The following CCDC12 variants were observed in gnomAD, a reference collection of about 807,000 sequenced individuals.
The protein encoded by CCDC12 is coiled-coil domain containing 12.
A neutral mutation model predicts 25.7 loss-of-function variants in CCDC12; 28 were observed. That is an observed-to-expected ratio of 1.09 (90% CI 0.81 to 1.50). The LOEUF (loss-of-function observed/expected upper bound fraction) is 1.50, where lower values mean the gene tolerates loss of function less well. Ranked by LOEUF, CCDC12 falls within the 40% of genes most tolerant of loss-of-function variation. The pLI is 0.00. For missense variants in CCDC12, 198 were observed against 210.0 expected, an observed-to-expected ratio of 0.94 and a Z score of 0.35; for synonymous variants, 75 against 87.7, an observed-to-expected ratio of 0.86 and a Z score of 0.81.
intron 5 of CCDC12, 74 bp from the exon 6 acceptor site, chr3:46,922,386 G>T: frequency 1.3e-6 from 2 of 1,522,654 alleles, no homozygotes; most frequent in Non-Finnish European, 1.8e-6. Flanking sequence ...CTCCCCTCTT[G>T]CAGCCCTCTG....
chr3:46,943,651 T>A (rs2033800654), intron 1 of CCDC12, among the ~76,000 whole-genome samples: 1 of 152,172 alleles, frequency 6.6e-6, no homozygotes, highest in African/African-American at 2.4e-5. Flanking sequence ...GTCACCACCC[T>A]CCTGGAGCCC....
At chr3:46,981,350 G>C (rs1329901091), upstream of CCDC12, among the ~76,000 whole-genome samples, 1 of 152,192 alleles carries the variant, frequency 6.6e-6, no homozygotes, top group African/African-American at 2.4e-5. Context: ...GCTGAGGCAG[G>C]AGAATCGCTT....
At chr3:46,940,118 G>GTTCTC (rs1322644830) in intron 2 of CCDC12, among the ~76,000 whole-genome samples, 4 of 152,244 alleles carry the variant, frequency 2.6e-5, no homozygotes, top group African/African-American at 9.6e-5. Flanking sequence ...GAGACCTCTG[G>GTTCTC]AACTGCTGAC....
intron 2 of CCDC12, among the ~76,000 whole-genome samples, chr3:46,929,719 A>G (rs990586210): frequency 2.0e-5 from 3 of 152,168 alleles, no homozygotes; most frequent in African/African-American, 7.2e-5. Flanking sequence ...TCTAGGACTG[A>G]CTTTTTTTCA....
chr3:46,947,967 A>T (rs1173555940), intron 1 of CCDC12, among the ~76,000 whole-genome samples: 1 of 152,258 alleles, frequency 6.6e-6, no homozygotes, highest in Non-Finnish European at 1.5e-5. Context: ...AGGGAGCCTG[A>T]AGAACAGGGA....
At chr3:46,937,918 T>C (rs930965917) in intron 2 of CCDC12, among the ~76,000 whole-genome samples, 1 of 152,184 alleles carries the variant, frequency 6.6e-6, no homozygotes, top group Non-Finnish European at 1.5e-5. Context: ...GGCCTACAAA[T>C]ACAGGCACAA....
rs66474878 is a variant in CCDC12 at position 46,938,518 on chromosome 3, G to GTTTTTT, written c.164+2474_164+2479dup. Among the ~76,000 whole-genome samples, 29 of 91,408 alleles carry GTTTTTT rather than the reference G, an allele frequency of 3.2e-4. 1 individual carries two copies. The highest frequency in any genetic ancestry group is 3.7e-4 in the East Asian group (1 of 2,726). The allele number at this position is 91,408 out of a possible 152,430, so 60.0% of individuals were successfully genotyped here. A position where few individuals can be genotyped will look rare whatever the true frequency, so the allele number is the denominator to read the frequency against. The stretch of plus-strand genomic sequence containing the variant: ...TTCCAGACAGGTTTGTTCCCCTCCT[G>GTTTTTT]TTTTTTTTTTTTTTTTTTTTTTTTT... On this transcript the variant is annotated intron_variant, in intron 2 of 6. Coordinates refer to ENST00000683445, the MANE Select transcript of CCDC12 (RefSeq NM_001277074.2).
chr3:46,964,741 TGCTTG>T, intron 1 of CCDC12, among the ~76,000 whole-genome samples: 1 of 152,240 alleles, frequency 6.6e-6, no homozygotes, highest in East Asian at 1.9e-4. Context: ...GTTAAACAGA[TGCTTG>T]AAGGCAGCAT....
chr3:46,947,129 C>G (rs1386545878), intron 1 of CCDC12, among the ~76,000 whole-genome samples: 1 of 152,202 alleles, frequency 6.6e-6, no homozygotes, highest in Non-Finnish European at 1.5e-5. Flanking sequence ...TGGGAAACTG[C>G]CCTCTGTTCA....
chr3:46,963,850 G>A (rs1169433102), intron 1 of CCDC12, among the ~76,000 whole-genome samples: 2 of 152,374 alleles, frequency 1.3e-5, no homozygotes, highest in East Asian at 1.9e-4. Flanking sequence ...CCAAAGTGCC[G>A]AGATTGCAGC....
Position 46,940,824 on chromosome 3 carries a change from G to A in CCDC12, c.164+174C>T, listed in dbSNP as rs73067065. 1,947 of 646,374 alleles carry A rather than the reference G, an allele frequency of 3.0e-3. 3 individuals carry two copies. The highest frequency in any genetic ancestry group is 5.9e-3 in the Middle Eastern group (15 of 2,548). 40.0% of individuals were successfully genotyped at this position (646,374 alleles called of 1,614,324 possible). On this transcript the variant is annotated intron_variant, in intron 2 of 6. Coordinates refer to ENST00000683445, the MANE Select transcript of CCDC12 (RefSeq NM_001277074.2). Reference sequence around the variant, plus strand: ...AGGGAAAGGAGGCAGAGAAGGCCTCGACAAGGGCCTTCTGAGATGTTGAGA... The same window carrying A: ...AGGGAAAGGAGGCAGAGAAGGCCTCAACAAGGGCCTTCTGAGATGTTGAGA...
Position 46,923,680 on chromosome 3 carries a change from A to C in CCDC12, c.245-12T>G. The C allele has an allele frequency of 2.6e-6, 4 of 1,520,734 alleles. No homozygotes were observed. Among genetic ancestry groups the C allele is most frequent in the Non-Finnish European group, 3.5e-6 (4 of 1,133,608 alleles). 94.2% of individuals were successfully genotyped at this position (1,520,734 alleles called of 1,614,324 possible). A position where few individuals can be genotyped will look rare whatever the true frequency, so the allele number is the denominator to read the frequency against. ...CACCTTCTCCTCCACTAGAGGGTGCAATTAAACAGAGAAGGCCTGTGGAAA... is the reference window on the plus strand; with the variant it reads ...CACCTTCTCCTCCACTAGAGGGTGCCATTAAACAGAGAAGGCCTGTGGAAA... On this transcript the variant is annotated splice_polypyrimidine_tract_variant and intron_variant, in intron 3 of 6. Transcript: ENST00000683445.
intron 5 of CCDC12, chr3:46,922,612 C>T (rs1185614966): frequency 2.1e-6 from 1 of 470,828 alleles, no homozygotes; most frequent in Non-Finnish European, 3.9e-6. Context: ...GTCCTCTGGT[C>T]ACCATCAGGG....
chr3:46,923,346 A>G lies in CCDC12; in HGVS notation c.324T>C (p.Ala108=), dbSNP rs1442307690. ...ACACTCACCAGTCAGGCTTCCGAGG[A>G]GCGAGGTTGGCCAGGTCCTGGGAAG... The part of the protein sequence containing the change: ...VIEEVDLANL[A]PRKPDWDLKR... Residue 108 remains alanine (A), a synonymous_variant, in exon 5 of 7, where the codon GCT becomes GCC. Coordinates refer to ENST00000683445, the MANE Select transcript of CCDC12 (RefSeq NM_001277074.2). 2 of 1,492,544 alleles carry G rather than the reference A, an allele frequency of 1.3e-6. No individual in the cohort carries two copies. Among genetic ancestry groups the G allele is most frequent in the Non-Finnish European group, 8.9e-7 (1 of 1,119,712 alleles). 92.5% of individuals were successfully genotyped at this position (1,492,544 alleles called of 1,614,324 possible).
chr3:46,978,646 A>G (rs1157356609), upstream of CCDC12, among the ~76,000 whole-genome samples: 3 of 151,902 alleles, frequency 2.0e-5, no homozygotes, highest in Non-Finnish European at 4.4e-5. Context: ...CTGCTGCCCA[A>G]GTGGTCCTCA....
intron 2 of CCDC12, among the ~76,000 whole-genome samples, chr3:46,933,024 G>A (rs899802905): frequency 1.3e-5 from 2 of 152,218 alleles, no homozygotes; most frequent in African/African-American, 4.8e-5. Context: ...GGCTCCTCAG[G>A]GACCAGCAAC....
intron 3 of CCDC12, chr3:46,925,236 G>C: frequency 1.4e-6 from 1 of 694,504 alleles, no homozygotes; most frequent in Non-Finnish European, 2.6e-6. Context: ...GTGTGAGCAG[G>C]ACTGAGAAGG....
chr3:46,945,152 C>A (rs993067447), intron 1 of CCDC12, among the ~76,000 whole-genome samples: 3 of 152,254 alleles, frequency 2.0e-5, no homozygotes, highest in Admixed American at 6.5e-5. Context: ...GGCTTTACTA[C>A]CCCTTCCCTT....
intron 1 of CCDC12, among the ~76,000 whole-genome samples, chr3:46,943,175 T>A (rs905142900): frequency 1.3e-5 from 2 of 152,064 alleles, no homozygotes; most frequent in African/African-American, 4.8e-5. Flanking sequence ...GTATAAATGC[T>A]TCACTGAGAA....
Sources: allele counts gnomAD v4.1 joint callset (sites outside exome capture counted in the v4.1 genomes callset), GRCh38; gene constraint gnomAD v4.1.1; transcripts MANE v1.5; gene names NCBI Gene and HGNC (gene_info 2026-07-23, HGNC 2026-07-21).